The following TOP6BL variants were observed in gnomAD, a reference collection of about 807,000 sequenced individuals.
TOP6BL encodes the protein type 2 DNA topoisomerase 6 subunit B-like.
At chr11:66,755,123 T>A in the TOP6BL span, among the ~76,000 whole-genome samples, 7 of 138,538 alleles carry the variant, frequency 5.1e-5, no homozygotes, top group African/African-American at 2.1e-4. Flanking sequence ...GTTTCTAGAT[T>A]TTTTTTTTTT....
At chr11:66,838,373 A>G in the TOP6BL span, 1 of 1,613,562 alleles carries the variant, frequency 6.2e-7, no homozygotes, top group East Asian at 2.2e-5. Flanking sequence ...TAAGCAGCTA[A>G]CCCTAGAAAA....
the TOP6BL span, chr11:66,758,913 C>T: frequency 2.0e-6 from 1 of 488,484 alleles, no homozygotes; most frequent in Admixed American, 3.7e-5. Context: ...CCATTTTTAC[C>T]AAACTCATTA....
At chr11:66,804,401 A>T in the TOP6BL span, among the ~76,000 whole-genome samples, 1 of 152,238 alleles carries the variant, frequency 6.6e-6, no homozygotes, top group South Asian at 2.1e-4. Flanking sequence ...TTTTTCATAC[A>T]ATCCAATATG....
the TOP6BL span, among the ~76,000 whole-genome samples, chr11:66,818,764 A>C: frequency 1.3e-5 from 2 of 152,192 alleles, no homozygotes; most frequent in Non-Finnish European, 2.9e-5. Flanking sequence ...AAGGTCTGTC[A>C]GAAGGTAATC....
chr11:66,840,909 C>T, the TOP6BL span, among the ~76,000 whole-genome samples: 1 of 152,106 alleles, frequency 6.6e-6, no homozygotes, highest in African/African-American at 2.4e-5. Flanking sequence ...CCTCTGGGCT[C>T]AAGACTCTCA....
the TOP6BL span, among the ~76,000 whole-genome samples, chr11:66,746,566 T>C: frequency 6.6e-6 from 1 of 152,032 alleles, no homozygotes; most frequent in Non-Finnish European, 1.5e-5. Flanking sequence ...AATACAAAAT[T>C]AGCCAGGTGT....
chr11:66,817,110 A>G, the TOP6BL span, among the ~76,000 whole-genome samples: 1 of 152,196 alleles, frequency 6.6e-6, no homozygotes, highest in South Asian at 2.1e-4. Flanking sequence ...CCAAGATTGT[A>G]CCACTGCACT....
the TOP6BL span, among the ~76,000 whole-genome samples, chr11:66,792,014 T>C: frequency 6.6e-6 from 1 of 152,138 alleles, no homozygotes; most frequent in Non-Finnish European, 1.5e-5. Context: ...AGATGGGCTG[T>C]GTTAGCCAGA....
At chr11:66,801,230 A>C in the TOP6BL span, 1 of 953,498 alleles carries the variant, frequency 1.0e-6, no homozygotes, top group Non-Finnish European at 1.6e-6. Flanking sequence ...TCTATAAGAA[A>C]AGCAGAAGTA....
the TOP6BL span, among the ~76,000 whole-genome samples, chr11:66,753,624 T>G: frequency 6.6e-6 from 1 of 151,744 alleles, no homozygotes; most frequent in Non-Finnish European, 1.5e-5. Context: ...GCCAGGATGG[T>G]CTCTATCTCC....
the TOP6BL span, among the ~76,000 whole-genome samples, chr11:66,761,300 G>A: frequency 2.6e-5 from 4 of 152,092 alleles, no homozygotes; most frequent in African/African-American, 4.8e-5. Context: ...GAACCCGGGA[G>A]GCGGAGCTTG....
the TOP6BL span, among the ~76,000 whole-genome samples, chr11:66,816,532 G>T: frequency 6.6e-6 from 1 of 152,140 alleles, no homozygotes; most frequent in Non-Finnish European, 1.5e-5. Context: ...CTGATTTCCA[G>T]ATGGACTGAG....
At chr11:66,843,024 C>A in the TOP6BL span, 4 of 1,554,592 alleles carry the variant, frequency 2.6e-6, no homozygotes, top group Non-Finnish European at 3.5e-6. Flanking sequence ...AGGCTCACGG[C>A]AGGGCCCTGG....
chr11:66,751,706 T>C, the TOP6BL span, among the ~76,000 whole-genome samples: 1 of 152,114 alleles, frequency 6.6e-6, no homozygotes, highest in Non-Finnish European at 1.5e-5. Context: ...GGATGATGGC[T>C]CTCTTTAATA....
chr11:66,746,249 C>T, the TOP6BL span, among the ~76,000 whole-genome samples: 1 of 152,132 alleles, frequency 6.6e-6, no homozygotes, highest in Non-Finnish European at 1.5e-5. Flanking sequence ...TAATAATTTT[C>T]CTTGTGTTGC....
At chr11:66,828,131 A>T in the TOP6BL span, 1 of 618,650 alleles carries the variant, frequency 1.6e-6, no homozygotes, top group Non-Finnish European at 2.9e-6. Context: ...CTTCATGAAA[A>T]CTAAGAAAAC....
At chr11:66,747,401 T>C in the TOP6BL span, among the ~76,000 whole-genome samples, 5 of 152,092 alleles carry the variant, frequency 3.3e-5, no homozygotes, top group Non-Finnish European at 7.4e-5. Context: ...TTAATTTTTT[T>C]TTTTTTTTAG....
the TOP6BL span, among the ~76,000 whole-genome samples, chr11:66,768,185 G>T: frequency 6.6e-6 from 1 of 151,838 alleles, no homozygotes; most frequent in African/African-American, 2.4e-5. Flanking sequence ...AGATTGACAG[G>T]TCCAGACTTG....
chr11:66,807,298 G>T, the TOP6BL span, among the ~76,000 whole-genome samples: 1 of 152,186 alleles, frequency 6.6e-6, no homozygotes, highest in African/African-American at 2.4e-5. Context: ...CAGGCCGGGT[G>T]TGGTGGCTCA....
Sources: allele counts gnomAD v4.1 joint callset (sites outside exome capture counted in the v4.1 genomes callset), GRCh38; gene constraint gnomAD v4.1.1; transcripts MANE v1.5; gene names NCBI Gene and HGNC (gene_info 2026-07-23, HGNC 2026-07-21).